The following PDE8B variants were observed in gnomAD, a reference collection of about 807,000 sequenced individuals.
PDE8B encodes high affinity cAMP-specific and IBMX-insensitive 3',5'-cyclic phosphodiesterase 8B.
Under a neutral mutation model 101.3 loss-of-function variants are expected in PDE8B, and 26 were observed. The observed-to-expected ratio is 0.26, with a 90% CI of 0.19 to 0.36. PDE8B has a LOEUF of 0.36. Ranked by LOEUF, PDE8B falls within the 10% of genes least tolerant of loss-of-function variation. PDE8B has a pLI of 1.00. For synonymous variants in PDE8B, 424 were observed against 429.3 expected (o/e 0.99, Z 0.15); for missense variants, 810 against 1,163.1 (o/e 0.70, Z 4.42).
the PDE8B span, among the ~76,000 whole-genome samples, chr5:77,132,399 A>G: frequency 6.6e-6 from 1 of 152,220 alleles, no homozygotes; most frequent in African/African-American, 2.4e-5. Flanking sequence ...CATTCTCTCA[A>G]TATAGTTATA....
chr5:77,366,701 T>C (rs1223920426), intron 10 of PDE8B, among the ~76,000 whole-genome samples: 2 of 152,194 alleles, frequency 1.3e-5, no homozygotes, highest in African/African-American at 2.4e-5. Context: ...CTATGTATGT[T>C]CTTTCATCTT....
chr5:77,169,247 TGA>T, the PDE8B span, among the ~76,000 whole-genome samples: 3 of 152,230 alleles, frequency 2.0e-5, no homozygotes, highest in African/African-American at 7.2e-5. Context: ...ATTGATAAGA[TGA>T]GAGAGCATAA....
the PDE8B span, among the ~76,000 whole-genome samples, chr5:77,176,886 G>A: frequency 3.0e-4 from 46 of 152,188 alleles, no homozygotes; most frequent in Non-Finnish European, 6.5e-4. Flanking sequence ...GGGAGCATGA[G>A]AGCAGAGCTT....
the PDE8B span, among the ~76,000 whole-genome samples, chr5:77,117,990 A>T: frequency 1.5e-3 from 222 of 152,132 alleles, 2 homozygotes; most frequent in African/African-American, 5.3e-3. Context: ...GCTGGAGTGC[A>T]GTGGTGCAAT....
chr5:77,317,770 G>A (rs137952440), intron 2 of PDE8B, among the ~76,000 whole-genome samples: 11 of 152,078 alleles, frequency 7.2e-5, no homozygotes, highest in African/African-American at 2.2e-4. Context: ...CCCCATTCCC[G>A]TCATGCTGGG....
chr5:77,270,129 G>C (rs1279458336), intron 1 of PDE8B, among the ~76,000 whole-genome samples: 1 of 152,096 alleles, frequency 6.6e-6, no homozygotes, highest in East Asian at 1.9e-4. Context: ...TCAATTCTTA[G>C]TATCCTCTTC....
At chr5:77,425,634 C>A in intron 20 of PDE8B, 133 bp from the exon 21 acceptor site, 1 of 880,670 alleles carries the variant, frequency 1.1e-6, no homozygotes, top group Non-Finnish European at 1.9e-6. Flanking sequence ...GTCTGAGGAC[C>A]TTGCTGAGCC....
chr5:77,427,774 C>T lies in PDE8B; in HGVS notation c.*1220C>T, dbSNP rs780916217. ...AGTCAGACTCGAGATTTTCCTTTCTCTTTTACCAGCTGATCCTTCCTATGT... is the reference window on the plus strand; with the variant it reads ...AGTCAGACTCGAGATTTTCCTTTCTTTTTTACCAGCTGATCCTTCCTATGT... On this transcript the variant is annotated 3_prime_UTR_variant, in exon 22 of 22. Transcript: ENST00000264917. The T allele has an allele frequency of 6.6e-6, 1 of 152,302 alleles. No homozygotes were observed. The highest frequency in any genetic ancestry group is 2.4e-5 in the African/African-American group (1 of 41,574). 9.4% of individuals were successfully genotyped at this position (152,302 alleles called of 1,614,324 possible).
At chr5:77,273,517 T>C (rs938571696) in intron 1 of PDE8B, among the ~76,000 whole-genome samples, 1 of 152,164 alleles carries the variant, frequency 6.6e-6, no homozygotes, top group African/African-American at 2.4e-5. Flanking sequence ...GGAGATATGA[T>C]AGGTAGAGAT....
chr5:77,356,153 C>G (rs868867774), intron 10 of PDE8B, among the ~76,000 whole-genome samples: 1 of 152,208 alleles, frequency 6.6e-6, no homozygotes. Flanking sequence ...CAGAAGTACC[C>G]CTTCTCCCCT....
At chr5:77,108,749 AAT>A in the PDE8B span, among the ~76,000 whole-genome samples, 1 of 149,616 alleles carries the variant, frequency 6.7e-6, no homozygotes, top group Admixed American at 6.7e-5. Flanking sequence ...TTTGTGCTAT[AAT>A]ATGTTATTTT....
At chr5:77,098,076 G>T in the PDE8B span, among the ~76,000 whole-genome samples, 1 of 151,958 alleles carries the variant, frequency 6.6e-6, no homozygotes, top group African/African-American at 2.4e-5. Context: ...AGGGCCGACT[G>T]CAGGAAGCAG....
rs58645839 is a variant in PDE8B, at chr5:77,413,350, G to A, written c.1911+41G>A. On this transcript the variant is annotated intron_variant, in intron 17 of 21. Coordinates refer to ENST00000264917, the MANE Select transcript of PDE8B (RefSeq NM_003719.5). ...CATGACCTAGTTACCTGCCTGGATTGGAGATCCAAGAACTTAATCTTAGTA... is the reference window on the plus strand; with the variant it reads ...CATGACCTAGTTACCTGCCTGGATTAGAGATCCAAGAACTTAATCTTAGTA... 1.5e-3 allele frequency: 2,228 copies of A among 1,519,868 alleles called. 23 individuals carry two copies. In the African/African-American group the frequency reaches 0.027, roughly 18 times the overall value. The allele number at this position is 1,519,868 out of a possible 1,614,324, so 94.1% of individuals were successfully genotyped here.
the PDE8B span, among the ~76,000 whole-genome samples, chr5:77,189,449 G>C: frequency 6.6e-6 from 1 of 152,212 alleles, no homozygotes; most frequent in African/African-American, 2.4e-5. Flanking sequence ...TAACTGTCCA[G>C]GATGGGGTGG....
At chr5:77,271,637 C>T (rs1226038394) in intron 1 of PDE8B, among the ~76,000 whole-genome samples, 1 of 151,900 alleles carries the variant, frequency 6.6e-6, no homozygotes, top group Non-Finnish European at 1.5e-5. Context: ...CAGGTCATGG[C>T]CCAGGAGGAG....
At position 77,422,051 on chromosome 5, in the gene PDE8B, T is replaced by G. The variant is rs184269292; in HGVS notation, c.2418+63T>G. On this transcript the variant is annotated intron_variant, in intron 20 of 21. Coordinates refer to ENST00000264917, the MANE Select transcript of PDE8B (RefSeq NM_003719.5). Reference sequence around the variant, plus strand: ...GGGAATGGGAACTAGGTCATGGAACTCCTGGGGGATTCTCCAGCTGAGTAA... The same window carrying G: ...GGGAATGGGAACTAGGTCATGGAACGCCTGGGGGATTCTCCAGCTGAGTAA... 12,691 of 1,509,018 alleles carry G rather than the reference T, an allele frequency of 8.4e-3. 87 individuals are homozygous for G. The highest frequency in any genetic ancestry group is 9.2e-3 in the Non-Finnish European group (10,033 of 1,094,746). The allele number at this position is 1,509,018 out of a possible 1,614,324, so 93.5% of individuals were successfully genotyped here.
chr5:77,220,107 C>A (rs1000923153), intron 1 of PDE8B, among the ~76,000 whole-genome samples: 1 of 152,190 alleles, frequency 6.6e-6, no homozygotes, highest in Non-Finnish European at 1.5e-5. Flanking sequence ...GTTTCAGGAC[C>A]CCTCCTCACC....
intron 1 of PDE8B, among the ~76,000 whole-genome samples, chr5:77,270,329 A>G (rs988657034): frequency 2.6e-5 from 4 of 152,200 alleles, no homozygotes; most frequent in Non-Finnish European, 5.9e-5. Flanking sequence ...TTTACTGAAT[A>G]TGTTTATCCA....
the PDE8B span, among the ~76,000 whole-genome samples, chr5:77,116,638 A>G: frequency 6.6e-6 from 1 of 152,224 alleles, no homozygotes; most frequent in Non-Finnish European, 1.5e-5. Context: ...CAGTAAAGTA[A>G]AATTGATATT....
Sources: gnomAD v4.1 joint callset for allele counts (sites outside exome capture counted in the v4.1 genomes callset) on GRCh38, gnomAD v4.1.1 for gene constraint, MANE v1.5 for transcripts, NCBI Gene and HGNC (gene_info 2026-07-23, HGNC 2026-07-21) for gene names.